Variants in ASH1L observed in about 807,000 individuals in gnomAD.
ASH1L encodes histone-lysine N-methyltransferase ASH1L.
In ASH1L, 23 loss-of-function variants were observed where a neutral mutation model predicts 269.0. That is an observed-to-expected ratio of 0.09 (90% CI 0.06 to 0.12). The LOEUF (loss-of-function observed/expected upper bound fraction) is 0.12, where lower values mean the gene tolerates loss of function less well. ASH1L is among the 10% of genes least tolerant of loss of function. ASH1L has a pLI of 1.00. For missense variants in ASH1L, 2,912 were observed against 3,567.8 expected, an observed-to-expected ratio of 0.82 and a Z score of 4.68; for synonymous variants, 1,187 against 1,253.5, an observed-to-expected ratio of 0.95 and a Z score of 1.12.
chr1:155,478,181 T>C lies in ASH1L; in HGVS notation c.4689A>G (p.Glu1563=). Residue 1563 remains glutamate, a synonymous_variant, in exon 3 of 28, where the codon GAA becomes GAG. Transcript: ENST00000392403. The surrounding 1 kb of genome is among the most constrained non-coding windows in gnomAD (Gnocchi z 4.6). ...GCAATCCCAAGGCCAATGGACTAGA[T>C]TCTGAAGGCTCTCGGTGGACCCACT... ...EEQWVHREPS[E]SSPLALGLQT... 3.1e-6 allele frequency: 5 copies of C among 1,614,186 alleles called. No homozygotes were observed. The highest frequency in any genetic ancestry group is 4.2e-6 in the Non-Finnish European group (5 of 1,180,028).
At chr1:155,446,173 C>T (rs1020981118) in intron 4 of ASH1L, among the ~76,000 whole-genome samples, 11 of 151,494 alleles carry the variant, frequency 7.3e-5, no homozygotes, top group African/African-American at 1.9e-4. Flanking sequence ...CGTGAGCCAC[C>T]GCACCCGGCC....
intron 10 of ASH1L, among the ~76,000 whole-genome samples, chr1:155,377,506 G>A (rs1011961581): frequency 6.6e-6 from 1 of 151,886 alleles, no homozygotes; most frequent in Admixed American, 6.6e-5. Context: ...GAGGTAGGAG[G>A]ACTACTTGAG....
intron 5 of ASH1L, among the ~76,000 whole-genome samples, chr1:155,425,239 T>C (rs1292281341): frequency 6.6e-6 from 1 of 150,908 alleles, no homozygotes; most frequent in African/African-American, 2.4e-5. Flanking sequence ...CTCCCAAAAG[T>C]GCTGGGATTA....
chr1:155,442,877 C>G (rs1478970395), intron 4 of ASH1L, among the ~76,000 whole-genome samples: 1 of 152,124 alleles, frequency 6.6e-6, no homozygotes, highest in Non-Finnish European at 1.5e-5. Flanking sequence ...ACTATTCATT[C>G]TTTAGTTTAC....
intron 1 of ASH1L, among the ~76,000 whole-genome samples, chr1:155,525,067 G>A (rs773535767): frequency 2.0e-5 from 3 of 151,956 alleles, no homozygotes; most frequent in Non-Finnish European, 4.4e-5. Flanking sequence ...AGCAAACACA[G>A]CAAGACCCTC....
intron 1 of ASH1L, among the ~76,000 whole-genome samples, chr1:155,537,480 GA>G (rs1275252013): frequency 6.6e-6 from 1 of 152,108 alleles, no homozygotes; most frequent in Non-Finnish European, 1.5e-5. Flanking sequence ...AACAGGCTTC[GA>G]AACGTGATTA....
chr1:155,448,450 G>A (rs1369909861), intron 4 of ASH1L, among the ~76,000 whole-genome samples: 3 of 152,048 alleles, frequency 2.0e-5, no homozygotes, highest in Admixed American at 6.6e-5. Context: ...CCTCAGTCAC[G>A]CAGGTAGCTA....
At chr1:155,349,709 CTTTTTTT>C (rs993462774) in intron 17 of ASH1L, 113 bp from the exon 18 acceptor site, 41 of 299,364 alleles carry the variant, frequency 1.4e-4, no homozygotes, top group East Asian at 1.8e-4. Context: ...AAATCCAAGT[CTTTTTTT>C]TTTTTTTTTT....
intron 4 of ASH1L, among the ~76,000 whole-genome samples, chr1:155,451,627 T>G (rs533177018): frequency 1.2e-3 from 175 of 151,926 alleles, no homozygotes; most frequent in Non-Finnish European, 2.0e-3. Context: ...GGCGTGGTGG[T>G]GGACACCTGT....
At chr1:155,517,329 T>C (rs897221670) in intron 2 of ASH1L, among the ~76,000 whole-genome samples, 1 of 151,804 alleles carries the variant, frequency 6.6e-6, no homozygotes, top group African/African-American at 2.4e-5. Flanking sequence ...CAAGACCCTC[T>C]CTCTTTAAAA....
intron 3 of ASH1L, among the ~76,000 whole-genome samples, chr1:155,476,125 G>T (rs145597904): frequency 0.02 from 3,112 of 152,236 alleles, 103 homozygotes; most frequent in African/African-American, 0.072. Flanking sequence ...AGTGGCTCAA[G>T]CCTGTAATCC....
At chr1:155,401,474 T>C (rs1658842900) in intron 6 of ASH1L, among the ~76,000 whole-genome samples, 1 of 104,180 alleles carries the variant, frequency 9.6e-6, no homozygotes, top group South Asian at 2.9e-4. Context: ...CAAGACTCCA[T>C]CTCAAAAAAA....
chr1:155,416,567 G>A (rs373703435), intron 5 of ASH1L, among the ~76,000 whole-genome samples: 4 of 146,654 alleles, frequency 2.7e-5, no homozygotes, highest in African/African-American at 7.6e-5. Context: ...ATGGAGTCTC[G>A]CTCTGTTGCC....
chr1:155,530,300 T>TA (rs1558197077), intron 1 of ASH1L, among the ~76,000 whole-genome samples: 5 of 152,212 alleles, frequency 3.3e-5, no homozygotes. Context: ...TACCAGGAAA[T>TA]AGACTTATCA....
chr1:155,373,548 G>A (rs1413495020), intron 10 of ASH1L, among the ~76,000 whole-genome samples: 1 of 152,086 alleles, frequency 6.6e-6, no homozygotes, highest in African/African-American at 2.4e-5. Flanking sequence ...CTCCCTCATC[G>A]GCCTCCCAAA....
intron 17 of ASH1L, among the ~76,000 whole-genome samples, chr1:155,350,313 C>T (rs929005679): frequency 8.5e-5 from 13 of 152,122 alleles, no homozygotes; most frequent in Admixed American, 1.3e-4. Flanking sequence ...TGAGCCACTG[C>T]GCCTGGCCAA....
At chr1:155,462,310 T>C (rs1664366786) in intron 3 of ASH1L, among the ~76,000 whole-genome samples, 1 of 152,244 alleles carries the variant, frequency 6.6e-6, no homozygotes, top group Non-Finnish European at 1.5e-5. Context: ...CCATCCATTC[T>C]TGAGCTCCAT....
At chr1:155,549,543 T>G (rs144170794) in intron 1 of ASH1L, among the ~76,000 whole-genome samples, 2,161 of 150,820 alleles carry the variant, frequency 0.014, 41 homozygotes, top group African/African-American at 0.05. Flanking sequence ...GAGAATCACT[T>G]GAACCCAGGA....
chr1:155,528,650 C>T (rs180912362), intron 1 of ASH1L, among the ~76,000 whole-genome samples: 22 of 152,134 alleles, frequency 1.4e-4, no homozygotes, highest in African/African-American at 3.9e-4. Context: ...AAGTTCCTCC[C>T]CAACATTATG....
Sources: gnomAD v4.1 joint callset for allele counts (sites outside exome capture counted in the v4.1 genomes callset) on GRCh38, gnomAD v4.1.1 for gene constraint, Gnocchi (gnomAD v3.1) non-coding constraint, MANE v1.5 for transcripts, NCBI Gene and HGNC (gene_info 2026-07-23, HGNC 2026-07-21) for gene names.